Variants in PTPRM observed in about 807,000 individuals in gnomAD.
PTPRM encodes the protein protein tyrosine phosphatase receptor type M.
Under a neutral mutation model 186.7 loss-of-function variants are expected in PTPRM, and 47 were observed. The observed-to-expected ratio is 0.25, with a 90% CI of 0.20 to 0.32. The LOEUF (loss-of-function observed/expected upper bound fraction) is 0.32. Among genes scored for constraint, PTPRM ranks in the 10% least tolerant of loss-of-function variants. The pLI, the probability that PTPRM is intolerant of heterozygous loss-of-function variation, is 1.00. For missense variants in PTPRM, 1,494 were observed against 1,865.0 expected (o/e 0.80, Z 3.66); for synonymous variants, 668 against 674.9 (o/e 0.99, Z 0.16).
chr18:7,935,699 A>C lies in PTPRM; in HGVS notation c.663+9016A>C, dbSNP rs540514686. Among the ~76,000 whole-genome samples the C allele has an allele frequency of 3.3e-5, 5 of 152,160 alleles. No individual in the cohort carries two copies. The East Asian group carries it at 9.7e-4, about 29-fold the overall frequency. Reference sequence around the variant, plus strand: ...GCTTTTATTTTAGGTCAGAGGGTACACATGCAGGTTTGTTACATGGGTAGA... The same window carrying C: ...GCTTTTATTTTAGGTCAGAGGGTACCCATGCAGGTTTGTTACATGGGTAGA... On this transcript the variant is annotated intron_variant, in intron 5 of 32. Transcript: ENST00000580170.
Position 8,335,638 on chromosome 18 carries a change from C to T in PTPRM, c.2957-7785C>T, listed in dbSNP as rs75103185. ...AACTGCCTTACAGATTCAAGCATAC[C>T]AAACCTGAAAGAAAACTCATGAAAC... is the stretch of plus-strand genomic sequence containing the variant. On this transcript the variant is annotated intron_variant, in intron 22 of 32. Coordinates refer to ENST00000580170, the MANE Select transcript of PTPRM (RefSeq NM_001105244.2). Among the ~76,000 whole-genome samples, 1,516 of 152,188 alleles carry T rather than the reference C, an allele frequency of 1.0e-2. 19 individuals carry two copies. The highest frequency in any genetic ancestry group is 0.034 in the African/African-American group (1,395 of 41,514).
chr18:7,645,779 G>A (rs916039746), intron 1 of PTPRM, among the ~76,000 whole-genome samples: 1 of 152,150 alleles, frequency 6.6e-6, no homozygotes, highest in South Asian at 2.1e-4. Flanking sequence ...TAGAAGAATA[G>A]ACCATGTAGC....
intron 11 of PTPRM, among the ~76,000 whole-genome samples, chr18:8,091,430 A>C (rs1251316451): frequency 6.6e-6 from 1 of 152,166 alleles, no homozygotes; most frequent in Non-Finnish European, 1.5e-5. Flanking sequence ...GTAATTTTAG[A>C]ATCATGATCA....
At chr18:8,374,258 T>C (rs2148475510) in intron 24 of PTPRM, among the ~76,000 whole-genome samples, 1 of 152,294 alleles carries the variant, frequency 6.6e-6, no homozygotes, top group Non-Finnish European at 1.5e-5. Context: ...CACTTGAGGT[T>C]GCTGGAACTG....
intron 7 of PTPRM, among the ~76,000 whole-genome samples, chr18:8,026,693 C>T (rs1568208570): frequency 6.6e-6 from 1 of 152,048 alleles, no homozygotes; most frequent in Non-Finnish European, 1.5e-5. Context: ...CCCATCTCTA[C>T]TAAAAATACA....
chr18:8,110,857 G>T (rs1339529014), intron 11 of PTPRM, among the ~76,000 whole-genome samples: 3 of 152,152 alleles, frequency 2.0e-5, no homozygotes, highest in Non-Finnish European at 4.4e-5. Flanking sequence ...ATACTCAAAA[G>T]AAGTTGACTG....
rs2090400441 is a variant in PTPRM at position 8,085,781 on chromosome 18, T to C, written c.1662T>C (p.Tyr554=). The C allele has an allele frequency of 6.2e-7, 1 of 1,613,530 alleles. No individual in the cohort carries two copies. The highest frequency in any genetic ancestry group is 1.3e-5 in the African/African-American group (1 of 75,008). ...CCCATTTTCTGTTTTTTGGACTGTATCCGGGGACCACATACTCCTTTACCA... is the reference window on the plus strand; with the variant it reads ...CCCATTTTCTGTTTTTTGGACTGTACCCGGGGACCACATACTCCTTTACCA... ...NETHFLFFGL[Y]PGTTYSFTIR... Residue 554 remains tyrosine, a synonymous_variant, in exon 10 of 33, where the codon TAT becomes TAC. Coordinates refer to ENST00000580170, the MANE Select transcript of PTPRM (RefSeq NM_001105244.2).
chr18:8,353,837 G>A (rs2095548768), intron 23 of PTPRM, among the ~76,000 whole-genome samples: 1 of 152,204 alleles, frequency 6.6e-6, no homozygotes, highest in Non-Finnish European at 1.5e-5. Context: ...AGCATCTACT[G>A]TGTGTTAGGC....
rs1034473769 is a variant in PTPRM at position 7,668,405 on chromosome 18, G to A, written c.73+100514G>A. 2.0e-5 allele frequency among the ~76,000 whole-genome samples: 3 copies of A among 152,202 alleles called. No individual in the cohort carries two copies. Among genetic ancestry groups the A allele is most frequent in the Non-Finnish European group, 2.9e-5 (2 of 68,036 alleles). ...GTTTGTTATTATGTAGCTCTCAGCT[G>A]CAACGGTATTTAACACGTTTTACAC... On this transcript the variant is annotated intron_variant, in intron 1 of 32. Coordinates refer to ENST00000580170, the MANE Select transcript of PTPRM (RefSeq NM_001105244.2). This position sits in a 1 kb window ranked among gnomAD's most constrained non-coding sequence, Gnocchi z 4.7.
At chr18:8,071,743 A>G (rs2089491277) in intron 8 of PTPRM, among the ~76,000 whole-genome samples, 1 of 152,072 alleles carries the variant, frequency 6.6e-6, no homozygotes, top group African/African-American at 2.4e-5. Flanking sequence ...CCGCTTCTCA[A>G]GCTCGCCTAC....
chr18:7,767,149 T>C (rs1306636288), intron 1 of PTPRM, among the ~76,000 whole-genome samples: 1 of 152,206 alleles, frequency 6.6e-6, no homozygotes, highest in African/African-American at 2.4e-5. Context: ...CACACAGTAG[T>C]GTTGGTTGAT....
At chr18:7,889,164 C>A (rs1001541100) in intron 3 of PTPRM, among the ~76,000 whole-genome samples, 2 of 151,820 alleles carry the variant, frequency 1.3e-5, no homozygotes, top group Admixed American at 6.6e-5. Flanking sequence ...GCAAGAAAAA[C>A]CTATGCTATT....
chr18:8,033,528 CA>C (rs892856378), intron 7 of PTPRM, among the ~76,000 whole-genome samples: 3 of 152,186 alleles, frequency 2.0e-5, no homozygotes, highest in Non-Finnish European at 4.4e-5. Context: ...TCCTAGGCTA[CA>C]AACCTGCACA....
intron 2 of PTPRM, among the ~76,000 whole-genome samples, chr18:7,829,876 C>T (rs1567882093): frequency 6.6e-6 from 1 of 152,060 alleles, no homozygotes; most frequent in East Asian, 1.9e-4. Context: ...ACTTTCCCCC[C>T]TTTTTTGTGT....
intron 1 of PTPRM, among the ~76,000 whole-genome samples, chr18:7,636,329 G>A (rs2038311845): frequency 6.6e-6 from 1 of 152,110 alleles, no homozygotes; most frequent in Non-Finnish European, 1.5e-5. Context: ...GGCCTCCATT[G>A]GGTTCTCCCA....
intron 14 of PTPRM, among the ~76,000 whole-genome samples, chr18:8,157,616 T>G (rs962280010): frequency 6.6e-6 from 1 of 152,232 alleles, no homozygotes; most frequent in Non-Finnish European, 1.5e-5. Flanking sequence ...AAATCATTCT[T>G]CAGCCATGCT....
rs546778032 is a variant in PTPRM at position 7,728,034 on chromosome 18, ATCT to A, written c.74-46110_74-46108del. Among the ~76,000 whole-genome samples, 66 of 152,310 alleles carry A rather than the reference ATCT, an allele frequency of 4.3e-4. 1 individual carries two copies. Among genetic ancestry groups the A allele is most frequent in the Middle Eastern group, 6.8e-3 (2 of 294 alleles). On this transcript the variant is annotated intron_variant, in intron 1 of 32. Coordinates refer to ENST00000580170, the MANE Select transcript of PTPRM (RefSeq NM_001105244.2). ...TTACAAATTTGGGATTCGGACCCAA[ATCT>A]TCTTGTCTCTGGTCTCTGGCCTATT...
chr18:8,372,056 C>CTTTTTTT lies in PTPRM; in HGVS notation c.3171+1070_3171+1076dup, dbSNP rs557766971. On this transcript the variant is annotated intron_variant, in intron 24 of 32. Coordinates refer to ENST00000580170, the MANE Select transcript of PTPRM (RefSeq NM_001105244.2). ...TTGGCCTTCCTCTCCACTCTATATT[C>CTTTTTTT]TTTTTTTTTTTTTTTTTTTTTTTTT... Among the ~76,000 whole-genome samples the CTTTTTTT allele has an allele frequency of 1.0e-3, 59 of 59,062 alleles. 8 individuals carry two copies. The highest frequency in any genetic ancestry group is 3.2e-3 in the East Asian group (6 of 1,894). The allele number at this position is 59,062 out of a possible 152,430, so 38.7% of individuals were successfully genotyped here.
chr18:7,996,674 A>C (rs1011969847), intron 7 of PTPRM, among the ~76,000 whole-genome samples: 1 of 152,134 alleles, frequency 6.6e-6, no homozygotes, highest in African/African-American at 2.4e-5. Flanking sequence ...TAGAACATGT[A>C]ATCAATTTCA....
Sources: allele counts gnomAD v4.1 joint callset (sites outside exome capture counted in the v4.1 genomes callset), GRCh38; gene constraint gnomAD v4.1.1; non-coding constraint Gnocchi (gnomAD v3.1); transcripts MANE v1.5; gene names NCBI Gene and HGNC (gene_info 2026-07-23, HGNC 2026-07-21).